The following RHOU variants were observed in gnomAD, a reference collection of about 807,000 sequenced individuals.
RHOU encodes rho-related GTP-binding protein RhoU.
In RHOU, 8 loss-of-function variants were observed where a neutral mutation model predicts 12.6. The observed-to-expected ratio is 0.64, with a 90% confidence interval of 0.37 to 1.15. RHOU has a LOEUF of 1.15. Among genes scored for constraint, RHOU ranks in the 50% most tolerant of loss-of-function variants. The probability of loss-of-function intolerance (pLI) is 0.01; values close to 1 mark genes in which losing one functional copy is unlikely to be tolerated. For synonymous variants in RHOU, 161 were observed against 147.4 expected (o/e 1.09, Z -0.67); for missense variants, 258 against 347.0 (o/e 0.74, Z 2.04).
chr1:228,657,320 A>T, the RHOU span, among the ~76,000 whole-genome samples: 1 of 146,516 alleles, frequency 6.8e-6, no homozygotes, highest in Admixed American at 6.9e-5. Context: ...GAAAAAGAAT[A>T]AAAAAAAAAG....
Position 228,745,799 on chromosome 1 carries a change from A to G in RHOU, c.*2059A>G, listed in dbSNP as rs1202197374. 6.6e-6 allele frequency: 1 copy of G among 152,242 alleles called. No individual in the cohort carries two copies. Among genetic ancestry groups the G allele is most frequent in the East Asian group, 1.9e-4 (1 of 5,206 alleles). 9.4% of individuals were successfully genotyped at this position (152,242 alleles called of 1,614,324 possible). A position where few individuals can be genotyped will look rare whatever the true frequency, so the allele number is the denominator to read the frequency against. On this transcript the variant is annotated 3_prime_UTR_variant, in exon 3 of 3. Transcript: ENST00000366691. ...GGAGGTGTGGGAGGGAAGATGAGTT[A>G]TTTAACTGGTAAGCGATTTGAAACA... is the stretch of plus-strand genomic sequence containing the variant.
At chr1:228,742,769 T>A (rs1475833624) in intron 2 of RHOU, among the ~76,000 whole-genome samples, 1 of 152,182 alleles carries the variant, frequency 6.6e-6, no homozygotes, top group Non-Finnish European at 1.5e-5. Context: ...GCAGATGGGA[T>A]GAAATTGGCA....
At chr1:228,728,238 C>T in the RHOU span, among the ~76,000 whole-genome samples, 1 of 152,190 alleles carries the variant, frequency 6.6e-6, no homozygotes, top group African/African-American at 2.4e-5. Context: ...ATCTGTTTTC[C>T]ACGTTAGCAG....
chr1:228,687,551 T>A, the RHOU span: 3 of 1,559,764 alleles, frequency 1.9e-6, no homozygotes, highest in Non-Finnish European at 2.6e-6. Context: ...CAGACTGTGA[T>A]GACTGGGAGA....
At chr1:228,741,160 G>A (rs1018759876) in intron 2 of RHOU, among the ~76,000 whole-genome samples, 1 of 151,896 alleles carries the variant, frequency 6.6e-6, no homozygotes, top group African/African-American at 2.4e-5. Flanking sequence ...TCTCTGCCCC[G>A]CCAACCCTGA....
the RHOU span, among the ~76,000 whole-genome samples, chr1:228,658,424 C>T: frequency 6.6e-6 from 1 of 152,152 alleles, no homozygotes; most frequent in African/African-American, 2.4e-5. Flanking sequence ...CTGTCTCCTC[C>T]ACGTGGGGAC....
chr1:228,709,998 A>G, the RHOU span, among the ~76,000 whole-genome samples: 1 of 152,358 alleles, frequency 6.6e-6, no homozygotes, highest in South Asian at 2.1e-4. Context: ...ATTCCACAGA[A>G]ATACAAACTA....
At chr1:228,698,078 T>A in the RHOU span, among the ~76,000 whole-genome samples, 2 of 152,236 alleles carry the variant, frequency 1.3e-5, no homozygotes, top group Non-Finnish European at 2.9e-5. Context: ...CTGACTATTG[T>A]AATATTTTGA....
chr1:228,647,596 C>A, the RHOU span, among the ~76,000 whole-genome samples: 1 of 152,164 alleles, frequency 6.6e-6, no homozygotes, highest in African/African-American at 2.4e-5. Context: ...TATAAGGTTG[C>A]GACTGCGCCG....
the RHOU span, among the ~76,000 whole-genome samples, chr1:228,717,353 C>T: frequency 6.6e-6 from 1 of 152,200 alleles, no homozygotes; most frequent in Non-Finnish European, 1.5e-5. Flanking sequence ...TCTTATAACA[C>T]AAACTATTCA....
chr1:228,649,156 T>G, the RHOU span, among the ~76,000 whole-genome samples: 1 of 152,214 alleles, frequency 6.6e-6, no homozygotes, highest in Non-Finnish European at 1.5e-5. Flanking sequence ...TGAGCCACTG[T>G]GCCCACCAGC....
the RHOU span, among the ~76,000 whole-genome samples, chr1:228,646,493 G>A: frequency 4.6e-3 from 400 of 86,574 alleles, 2 homozygotes; most frequent in African/African-American, 0.018. Flanking sequence ...GAGCCGTCAG[G>A]GCTGGCCGAA....
chr1:228,651,244 C>A, the RHOU span: 1 of 206,400 alleles, frequency 4.8e-6, no homozygotes, highest in Non-Finnish European at 1.0e-5. Flanking sequence ...CATTGATAAG[C>A]CATTTGCAGA....
At chr1:228,662,509 G>A in the RHOU span, among the ~76,000 whole-genome samples, 1 of 152,096 alleles carries the variant, frequency 6.6e-6, no homozygotes, top group Non-Finnish European at 1.5e-5. Context: ...CCACAAAAAA[G>A]GATGAGTTCA....
chr1:228,696,898 T>C, the RHOU span, among the ~76,000 whole-genome samples: 1 of 152,158 alleles, frequency 6.6e-6, no homozygotes, highest in African/African-American at 2.4e-5. Flanking sequence ...ATGACTGACA[T>C]TATTGATGAG....
At chr1:228,672,936 C>G in the RHOU span, among the ~76,000 whole-genome samples, 1 of 152,152 alleles carries the variant, frequency 6.6e-6, no homozygotes, top group Non-Finnish European at 1.5e-5. Context: ...CCGATTTCCA[C>G]CTGTAATTGG....
At chr1:228,674,372 G>A in the RHOU span, among the ~76,000 whole-genome samples, 1 of 145,900 alleles carries the variant, frequency 6.9e-6, no homozygotes, top group East Asian at 2.0e-4. Flanking sequence ...TTGAGAGGGA[G>A]TTTCACTATT....
chr1:228,731,788 A>AG (rs1662502238), upstream of RHOU, among the ~76,000 whole-genome samples: 1 of 150,842 alleles, frequency 6.6e-6, no homozygotes, highest in South Asian at 2.1e-4. Context: ...GGGGGTAGGT[A>AG]GGGGGGATGA....
At chr1:228,689,635 T>A in the RHOU span, among the ~76,000 whole-genome samples, 1 of 151,962 alleles carries the variant, frequency 6.6e-6, no homozygotes, top group Non-Finnish European at 1.5e-5. Flanking sequence ...TGGGTGAGCA[T>A]TACCACCTGA....
Sources: allele counts gnomAD v4.1 joint callset (sites outside exome capture counted in the v4.1 genomes callset), GRCh38; gene constraint gnomAD v4.1.1; transcripts MANE v1.5; gene names NCBI Gene and HGNC (gene_info 2026-07-23, HGNC 2026-07-21).